RBFOX1: variants seen among roughly 807,000 people sequenced by gnomAD.
The protein encoded by RBFOX1 is RNA binding fox-1 homolog 1, also known as RNA binding protein fox-1 homolog 1.
In RBFOX1, 8 loss-of-function variants were observed where a neutral mutation model predicts 57.7. That is an observed-to-expected ratio of 0.14 (90% CI 0.08 to 0.25). The LOEUF (loss-of-function observed/expected upper bound fraction) is 0.25. Ranked by LOEUF, RBFOX1 falls within the 10% of genes least tolerant of loss-of-function variation. RBFOX1 has a pLI of 1.00. For synonymous variants in RBFOX1, 326 were observed against 222.4 expected, an observed-to-expected ratio of 1.47 and a Z score of -4.15; for missense variants, 611 against 548.5, an observed-to-expected ratio of 1.11 and a Z score of -1.14.
chr16:7,142,072 G>A (rs2073939445), intron 4 of RBFOX1, among the ~76,000 whole-genome samples: 1 of 151,852 alleles, frequency 6.6e-6, no homozygotes, highest in South Asian at 2.1e-4. Context: ...TGCCCAGGCT[G>A]GAGTGCAGTG....
intron 4 of RBFOX1, among the ~76,000 whole-genome samples, chr16:7,388,724 A>G (rs946784709): frequency 7.0e-6 from 1 of 143,430 alleles, no homozygotes; most frequent in East Asian, 2.1e-4. Flanking sequence ...TATGGTATTC[A>G]ATGAATTCCA....
At chr16:7,056,333 G>C (rs1463655580) in intron 4 of RBFOX1, among the ~76,000 whole-genome samples, 1 of 152,174 alleles carries the variant, frequency 6.6e-6, no homozygotes, top group African/African-American at 2.4e-5. Flanking sequence ...TCAATCTAGA[G>C]TAGACTGAGT....
chr16:6,173,309 G>C (rs2096976003), intron 1 of RBFOX1, among the ~76,000 whole-genome samples: 1 of 152,126 alleles, frequency 6.6e-6, no homozygotes, highest in African/African-American at 2.4e-5. Context: ...ATTTGCCATA[G>C]GAATTAACGG....
chr16:7,234,315 G>A (rs2093657795), intron 4 of RBFOX1, among the ~76,000 whole-genome samples: 1 of 152,144 alleles, frequency 6.6e-6, no homozygotes, highest in Non-Finnish European at 1.5e-5. Context: ...CAGTGGGTTG[G>A]TGTTGTGTAT....
At chr16:5,934,466 A>G (rs1249453881) in intron 4 of RBFOX1, among the ~76,000 whole-genome samples, 1 of 152,226 alleles carries the variant, frequency 6.6e-6, no homozygotes, top group Non-Finnish European at 1.5e-5. Flanking sequence ...TACATAAAGT[A>G]TGAGGTGAAT....
intron 4 of RBFOX1, among the ~76,000 whole-genome samples, chr16:7,071,659 A>G (rs1443214412): frequency 2.6e-5 from 4 of 151,622 alleles, no homozygotes; most frequent in African/African-American, 9.7e-5. Flanking sequence ...ACATACATAC[A>G]TACATACATA....
intron 4 of RBFOX1, among the ~76,000 whole-genome samples, chr16:7,501,443 C>G (rs148089717): frequency 4.8e-4 from 73 of 152,328 alleles, no homozygotes; most frequent in African/African-American, 1.7e-3. Context: ...ATCATTCACT[C>G]TGTGCTTGCC....
chr16:6,190,998 C>T (rs926732064), intron 1 of RBFOX1, among the ~76,000 whole-genome samples: 4 of 152,154 alleles, frequency 2.6e-5, no homozygotes, highest in Admixed American at 6.5e-5. Context: ...CAGCCTCTCC[C>T]GATTCTGTCT....
At chr16:5,306,378 G>A (rs1280138821) in intron 1 of RBFOX1, among the ~76,000 whole-genome samples, 2 of 150,068 alleles carry the variant, frequency 1.3e-5, no homozygotes, top group African/African-American at 4.9e-5. Context: ...GTAGTGTAGT[G>A]GCATGATCTT....
chr16:6,718,467 G>A (rs999791101), intron 3 of RBFOX1, among the ~76,000 whole-genome samples: 6 of 151,656 alleles, frequency 4.0e-5, no homozygotes, highest in Non-Finnish European at 7.3e-5. Context: ...GATGGTGATA[G>A]GTGTTCACGG....
intron 2 of RBFOX1, among the ~76,000 whole-genome samples, chr16:6,444,327 G>A (rs1438037022): frequency 6.6e-6 from 1 of 152,062 alleles, no homozygotes; most frequent in East Asian, 1.9e-4. Flanking sequence ...CAAGCAGAAG[G>A]TTTGACATGG....
At chr16:7,428,936 C>A (rs2098651079) in intron 4 of RBFOX1, among the ~76,000 whole-genome samples, 1 of 152,052 alleles carries the variant, frequency 6.6e-6, no homozygotes, top group Non-Finnish European at 1.5e-5. Context: ...TCGTAAAGTA[C>A]AACACAGTAC....
intron 2 of RBFOX1, among the ~76,000 whole-genome samples, chr16:6,490,404 G>A (rs757865468): frequency 1.3e-5 from 2 of 152,160 alleles, no homozygotes; most frequent in Non-Finnish European, 2.9e-5. Flanking sequence ...GAATATGTAT[G>A]GGTTTGTACT....
At chr16:6,487,503 T>G (rs887627654) in intron 2 of RBFOX1, among the ~76,000 whole-genome samples, 6 of 151,316 alleles carry the variant, frequency 4.0e-5, no homozygotes, top group Non-Finnish European at 8.8e-5. Flanking sequence ...TGAAATTATT[T>G]TGGTTGGGTT....
In RBFOX1 at chr16:7,267,314, C is replaced by T. The variant is rs570923782; in HGVS notation, c.27+215216C>T. On this transcript the variant is annotated intron_variant, in intron 4 of 15. Coordinates refer to ENST00000550418, the MANE Select transcript of RBFOX1 (RefSeq NM_018723.4). ...CTTTCGGAGGCCAAAGGGGGCGGAT[C>T]ACTTGAGGTCGGCAGTTGGAGACCA... is the stretch of plus-strand genomic sequence containing the variant. Among the ~76,000 whole-genome samples, 554 of 152,096 alleles carry T rather than the reference C, an allele frequency of 3.6e-3. 3 individuals are homozygous for T. Among genetic ancestry groups the T allele is most frequent in the African/African-American group, 0.012 (501 of 41,484 alleles).
chr16:6,094,982 C>G (rs371256134), intron 1 of RBFOX1, among the ~76,000 whole-genome samples: 5 of 152,164 alleles, frequency 3.3e-5, no homozygotes, highest in Middle Eastern at 3.2e-3. Context: ...ATCGCTGGAA[C>G]CCGGGAGGCA....
intron 13 of RBFOX1, among the ~76,000 whole-genome samples, chr16:7,673,758 T>C (rs1385935275): frequency 6.6e-6 from 1 of 152,228 alleles, no homozygotes; most frequent in Non-Finnish European, 1.5e-5. Flanking sequence ...TATATTTTGC[T>C]GCCCATCCTG....
intron 4 of RBFOX1, among the ~76,000 whole-genome samples, chr16:7,119,843 G>A (rs906535098): frequency 6.6e-6 from 1 of 152,034 alleles, no homozygotes; most frequent in Non-Finnish European, 1.5e-5. Flanking sequence ...AACACCATCA[G>A]CCAACAAAAC....
chr16:7,156,851 A>T (rs2077253923), intron 4 of RBFOX1, among the ~76,000 whole-genome samples: 2 of 152,110 alleles, frequency 1.3e-5, no homozygotes, highest in African/African-American at 4.8e-5. Flanking sequence ...TAATGGCTAG[A>T]TCGATTTACT....
Sources: gnomAD v4.1 joint callset for allele counts (sites outside exome capture counted in the v4.1 genomes callset) on GRCh38, gnomAD v4.1.1 for gene constraint, MANE v1.5 for transcripts, NCBI Gene and HGNC (gene_info 2026-07-23, HGNC 2026-07-21) for gene names.